Variants in SUMF1 observed in about 807,000 individuals in gnomAD.
The protein encoded by SUMF1 is sulfatase modifying factor 1.
In SUMF1, 48 loss-of-function variants were observed where a neutral mutation model predicts 47.6. The observed-to-expected ratio is 1.01, with a 90% CI of 0.80 to 1.28. The LOEUF is 1.28. SUMF1 is among the 50% of genes most tolerant of loss of function. SUMF1 has a pLI of 0.00. For missense variants in SUMF1, 571 were observed against 485.4 expected, an observed-to-expected ratio of 1.18 and a Z score of -1.66; for synonymous variants, 230 against 192.1, an observed-to-expected ratio of 1.20 and a Z score of -1.63.
chr3:4,212,197 C>T (rs1326139982), intron 8 of SUMF1, among the ~76,000 whole-genome samples: 1 of 152,166 alleles, frequency 6.6e-6, no homozygotes, highest in Middle Eastern at 3.2e-3. Context: ...TGGCATCTGG[C>T]AGATGCCCCT....
chr3:4,228,147 G>A (rs531684335), intron 8 of SUMF1, among the ~76,000 whole-genome samples: 64 of 152,042 alleles, frequency 4.2e-4, no homozygotes, highest in Non-Finnish European at 7.9e-4. Context: ...CAGACTATGT[G>A]GATGACTTTG....
intron 8 of SUMF1, among the ~76,000 whole-genome samples, chr3:4,320,279 A>G (rs1698800713): frequency 6.6e-6 from 1 of 152,210 alleles, no homozygotes; most frequent in South Asian, 2.1e-4. Context: ...AACTTTGGAA[A>G]TTACTGAAGT....
At position 4,055,489 on chromosome 3, in the gene SUMF1, A is replaced by G. The variant is rs143270229; in HGVS notation, c.1191+13080T>C. On this transcript the variant is annotated intron_variant and NMD_transcript_variant, in intron 9 of 12. Transcript: ENST00000448413. The stretch of plus-strand genomic sequence containing the variant: ...TGTTAAATTTTTATTTTATTTTATT[A>G]TTAATTTTTTAGAGACAGAGTCTCG... 3.5e-3 allele frequency among the ~76,000 whole-genome samples: 536 copies of G among 152,120 alleles called. 1 individual carries two copies. The highest frequency in any genetic ancestry group is 0.012 in the African/African-American group (494 of 41,492).
At chr3:4,335,896 G>T (rs1174096220) in intron 8 of SUMF1, among the ~76,000 whole-genome samples, 1 of 137,754 alleles carries the variant, frequency 7.3e-6, no homozygotes, top group Non-Finnish European at 1.5e-5. Flanking sequence ...GGAGGCAGAG[G>T]TTGCAATGAA....
intron 8 of SUMF1, among the ~76,000 whole-genome samples, chr3:4,119,220 T>C (rs1423440945): frequency 6.6e-6 from 1 of 152,164 alleles, no homozygotes; most frequent in Non-Finnish European, 1.5e-5. Flanking sequence ...TACCTTATCT[T>C]AGGCTTATCA....
At chr3:4,362,987 T>C (rs1263167113) in intron 8 of SUMF1, among the ~76,000 whole-genome samples, 1 of 152,194 alleles carries the variant, frequency 6.6e-6, no homozygotes, top group Non-Finnish European at 1.5e-5. Context: ...GACCACAGTG[T>C]AGATAACTAC....
chr3:4,101,968 C>G (rs774081603), intron 8 of SUMF1, among the ~76,000 whole-genome samples: 1 of 152,002 alleles, frequency 6.6e-6, no homozygotes, highest in South Asian at 2.1e-4. Flanking sequence ...GGCAGAAGAG[C>G]GAATGAATGA....
At chr3:4,165,019 A>G (rs1694666094) in intron 8 of SUMF1, among the ~76,000 whole-genome samples, 1 of 152,076 alleles carries the variant, frequency 6.6e-6, no homozygotes, top group South Asian at 2.1e-4. Flanking sequence ...ATGTTTATGA[A>G]TCCAGTCCCC....
intron 8 of SUMF1, among the ~76,000 whole-genome samples, chr3:4,280,196 TA>T: frequency 6.6e-6 from 1 of 152,304 alleles, no homozygotes; most frequent in South Asian, 2.1e-4. Flanking sequence ...TTGTACATAA[TA>T]TATAGAATTT....
At chr3:4,194,194 C>G (rs552050202) in intron 8 of SUMF1, among the ~76,000 whole-genome samples, 64 of 152,112 alleles carry the variant, frequency 4.2e-4, no homozygotes, top group African/African-American at 1.3e-3. Flanking sequence ...TTTTTACTTT[C>G]TTTTATTTAG....
chr3:4,090,370 A>C (rs1219442777), intron 8 of SUMF1, among the ~76,000 whole-genome samples: 4 of 151,980 alleles, frequency 2.6e-5, no homozygotes, highest in African/African-American at 7.3e-5. Context: ...TGGCATGTCT[A>C]AGTTGTCCCA....
intron 8 of SUMF1, among the ~76,000 whole-genome samples, chr3:4,103,826 G>T (rs144863567): frequency 1.5e-4 from 23 of 152,242 alleles, no homozygotes; most frequent in Admixed American, 1.3e-4. Context: ...CACACAACTG[G>T]AAACAGCTGA....
At chr3:4,113,192 T>G (rs1277571181) in intron 8 of SUMF1, among the ~76,000 whole-genome samples, 1 of 152,096 alleles carries the variant, frequency 6.6e-6, no homozygotes, top group African/African-American at 2.4e-5. Context: ...ATCATTTCTA[T>G]GTGTTGGGAA....
At chr3:4,224,021 G>GGGAAAAAGAATCAAGGGCA (rs1696121951) in intron 8 of SUMF1, among the ~76,000 whole-genome samples, 1 of 152,082 alleles carries the variant, frequency 6.6e-6, no homozygotes, top group Non-Finnish European at 1.5e-5. Context: ...AGGAACAGGA[G>GGGAAAAAGAATCAAGGGCA]GGAAAAAGAA....
chr3:4,379,437 G>C (rs1459786603), intron 7 of SUMF1, among the ~76,000 whole-genome samples: 1 of 152,252 alleles, frequency 6.6e-6, no homozygotes, highest in Non-Finnish European at 1.5e-5. Flanking sequence ...CAAGGAATGA[G>C]AAGGATTCCT....
chr3:4,188,023 A>G (rs540239837), intron 8 of SUMF1, among the ~76,000 whole-genome samples: 2 of 152,226 alleles, frequency 1.3e-5, no homozygotes, highest in Admixed American at 1.3e-4. Context: ...CAAAATTAGA[A>G]GGACAGTATG....
intron 8 of SUMF1, among the ~76,000 whole-genome samples, chr3:4,184,949 C>G (rs1005856074): frequency 2.6e-5 from 4 of 152,110 alleles, no homozygotes; most frequent in African/African-American, 7.2e-5. Flanking sequence ...CGCACCTGGC[C>G]TCCATATGCT....
At chr3:4,253,661 G>A (rs1034971463) in intron 8 of SUMF1, among the ~76,000 whole-genome samples, 2 of 151,772 alleles carry the variant, frequency 1.3e-5, no homozygotes, top group East Asian at 1.9e-4. Context: ...TGATCAAACT[G>A]CAAGGCGGCA....
chr3:4,300,882 C>T (rs1481756375), intron 8 of SUMF1, among the ~76,000 whole-genome samples: 1 of 152,082 alleles, frequency 6.6e-6, no homozygotes, highest in East Asian at 1.9e-4. Context: ...TACAGAGACA[C>T]ACACACACAC....
Sources: allele counts gnomAD v4.1 joint callset (sites outside exome capture counted in the v4.1 genomes callset), GRCh38; gene constraint gnomAD v4.1.1; transcripts MANE v1.5; gene names NCBI Gene and HGNC (gene_info 2026-07-23, HGNC 2026-07-21).